Variants in ZFHX3 observed in about 807,000 individuals in gnomAD.
ZFHX3 encodes the protein zinc finger homeobox protein 3.
A neutral mutation model predicts 279.1 loss-of-function variants in ZFHX3; 42 were observed. The ratio of observed to expected loss-of-function variants is 0.15; its 90% CI spans 0.12 to 0.19. The LOEUF (loss-of-function observed/expected upper bound fraction) is 0.19, where lower values mean the gene tolerates loss of function less well. Ranked by LOEUF, ZFHX3 falls within the 10% of genes least tolerant of loss-of-function variation. The probability of loss-of-function intolerance (pLI) is 1.00; values close to 1 mark genes in which losing one functional copy is unlikely to be tolerated. For synonymous variants in ZFHX3, 2,293 were observed against 1,957.8 expected (o/e 1.17, Z -4.52); for missense variants, 4,981 against 4,754.0 (o/e 1.05, Z -1.40).
chr16:72,840,799 G>T (rs2037327376), intron 4 of ZFHX3, among the ~76,000 whole-genome samples: 1 of 152,214 alleles, frequency 6.6e-6, no homozygotes, highest in African/African-American at 2.4e-5. Context: ...AATGAGCTTT[G>T]TTTTGCATGA....
chr16:73,504,812 T>TG (rs899583128), intron 2 of ZFHX3: 18 of 150,380 alleles, frequency 1.2e-4, no homozygotes, highest in African/African-American at 3.9e-4. Context: ...AGTGCTTGGT[T>TG]GGGGGGGCGG....
intron 1 of ZFHX3, among the ~76,000 whole-genome samples, chr16:73,801,323 A>T (rs1410108119): frequency 1.3e-5 from 2 of 152,190 alleles, no homozygotes; most frequent in Non-Finnish European, 2.9e-5. Flanking sequence ...AACACAGGGA[A>T]TGACCAATAC....
At chr16:73,655,435 T>C (rs1366825473) in intron 2 of ZFHX3, among the ~76,000 whole-genome samples, 2 of 152,180 alleles carry the variant, frequency 1.3e-5, no homozygotes, top group African/African-American at 2.4e-5. Flanking sequence ...CCAAGTCCCC[T>C]GATGCAAAAT....
chr16:73,493,098 G>A (rs756069253), intron 2 of ZFHX3, among the ~76,000 whole-genome samples: 7 of 151,370 alleles, frequency 4.6e-5, no homozygotes, highest in South Asian at 2.1e-4. Flanking sequence ...AAGTCTGCCC[G>A]TATCCACCTC....
intron 1 of ZFHX3, among the ~76,000 whole-genome samples, chr16:73,790,225 C>G (rs1935326224): frequency 6.7e-6 from 1 of 149,704 alleles, no homozygotes; most frequent in Non-Finnish European, 1.5e-5. Context: ...CTGGATCTTA[C>G]AGGGATCTGA....
chr16:73,731,118 A>T (rs1326663011), intron 1 of ZFHX3, among the ~76,000 whole-genome samples: 11 of 152,230 alleles, frequency 7.2e-5, no homozygotes, highest in Admixed American at 2.6e-4. Context: ...TAAGGTAGTC[A>T]TCTCTGCGCT....
intron 2 of ZFHX3, among the ~76,000 whole-genome samples, chr16:73,612,542 G>A (rs1464234904): frequency 6.6e-6 from 1 of 152,178 alleles, no homozygotes. Context: ...TGAATGAGAA[G>A]GAATGCTTCT....
intron 1 of ZFHX3, among the ~76,000 whole-genome samples, chr16:72,999,495 A>G (rs1160235272): frequency 6.6e-6 from 1 of 152,170 alleles, no homozygotes; most frequent in Non-Finnish European, 1.5e-5. Context: ...CACAGGACAA[A>G]TCCACAGGCT....
At chr16:73,321,912 T>A (rs148688769) in intron 3 of ZFHX3, among the ~76,000 whole-genome samples, 71 of 152,298 alleles carry the variant, frequency 4.7e-4, no homozygotes, top group Middle Eastern at 3.4e-3. Flanking sequence ...CAACTTTCCA[T>A]GACAGCTGCA....
In ZFHX3 at chr16:72,983,380, A is replaced by G. The variant is rs562988785; in HGVS notation, c.-49-23186T>C. 2.6e-5 allele frequency among the ~76,000 whole-genome samples: 4 copies of G among 152,346 alleles called. 1 individual carries two copies. In the South Asian group the frequency reaches 8.3e-4, roughly 32 times the overall value. On this transcript the variant is annotated intron_variant, in intron 1 of 9. Coordinates refer to ENST00000268489, the MANE Select transcript of ZFHX3 (RefSeq NM_006885.4). ...AATGACCAGGATCCCCGAACATCCC[A>G]GCTGGAATGAGGGCAACCCCAAAGG...
At chr16:72,807,240 A>G (rs1206130071) in intron 7 of ZFHX3, 1 of 152,218 alleles carries the variant, frequency 6.6e-6, no homozygotes, top group Non-Finnish European at 1.5e-5. Context: ...CTGCCCAGCC[A>G]GTTGTGGAGG....
chr16:73,421,819 G>T (rs2017723510), intron 3 of ZFHX3, among the ~76,000 whole-genome samples: 1 of 152,122 alleles, frequency 6.6e-6, no homozygotes, highest in South Asian at 2.1e-4. Context: ...CTCTTCAGGA[G>T]CACACATGCC....
Position 72,811,644 on chromosome 16 carries a change from TG to T in ZFHX3, c.3796del (p.His1266ThrfsTer22). On this transcript the variant is annotated frameshift_variant, in exon 7 of 10. Transcript: ENST00000268489. LOFTEE classifies it high-confidence loss of function. ...LCQDMLNNKIHLQLHLTHLHS... is the reference protein window; with the variant it reads ...LCQDMLNNKIXLQLHLTHLHS... ...GAGGTGGGTGAGGTGCAGCTGGAGGTGGATCTTGTTGTTGAGCATGTCCTGG... is the reference window on the plus strand; with the variant it reads ...GAGGTGGGTGAGGTGCAGCTGGAGGTGATCTTGTTGTTGAGCATGTCCTGG... 6.2e-7 allele frequency: 1 copy of T among 1,613,204 alleles called. No homozygotes were observed. Among genetic ancestry groups the T allele is most frequent in the Non-Finnish European group, 8.5e-7 (1 of 1,179,604 alleles).
intron 1 of ZFHX3, among the ~76,000 whole-genome samples, chr16:73,820,098 CT>C (rs1211518623): frequency 3.3e-5 from 5 of 151,132 alleles, no homozygotes; most frequent in East Asian, 1.9e-4. Context: ...GGGAGTAAGT[CT>C]TTTTTTTTGA....
At chr16:72,792,328 T>C (rs188836556) in intron 9 of ZFHX3, among the ~76,000 whole-genome samples, 58 of 152,320 alleles carry the variant, frequency 3.8e-4, no homozygotes, top group African/African-American at 1.3e-3. Context: ...CAGAACCACA[T>C]TGCCCAATAC....
At chr16:73,780,394 C>T (rs557761379) in intron 1 of ZFHX3, among the ~76,000 whole-genome samples, 1 of 150,456 alleles carries the variant, frequency 6.6e-6, no homozygotes, top group African/African-American at 2.4e-5. Context: ...GTAATCCACC[C>T]ACCTCGGCCT....
At chr16:73,582,832 A>G (rs2051875848) in intron 2 of ZFHX3, among the ~76,000 whole-genome samples, 1 of 151,586 alleles carries the variant, frequency 6.6e-6, no homozygotes, top group Non-Finnish European at 1.5e-5. Flanking sequence ...CATTGGAGTT[A>G]TATAAGATGA....
chr16:73,763,166 G>T (rs1338078714), intron 1 of ZFHX3, among the ~76,000 whole-genome samples: 2 of 152,004 alleles, frequency 1.3e-5, no homozygotes, highest in Admixed American at 6.6e-5. Context: ...AGGATACAGT[G>T]TTTAAAATGT....
chr16:72,957,497 G>T lies in ZFHX3; in HGVS notation c.2649C>A (p.Asp883Glu), dbSNP rs772231000. Residue 883 changes from aspartate (D) to glutamate (E), a missense_variant, in exon 2 of 10, where the codon GAC (aspartate) becomes GAA (glutamate). By Grantham distance (45) the Asp-to-Glu change is conservative. Transcript: ENST00000268489. ...PNLKMDSAAS[D>E]AQFMMSGFQL... ...GGAATCCGCTCATCATGAACTGGGC[G>T]TCCGAGGCAGCACTGTCCATCTTCA... 6.2e-7 allele frequency: 1 copy of T among 1,614,016 alleles called. No individual in the cohort carries two copies. The highest frequency in any genetic ancestry group is 2.2e-5 in the East Asian group (1 of 44,888).
Sources: gnomAD v4.1 joint callset for allele counts (sites outside exome capture counted in the v4.1 genomes callset) on GRCh38, gnomAD v4.1.1 for gene constraint, MANE v1.5 for transcripts, NCBI Gene and HGNC (gene_info 2026-07-23, HGNC 2026-07-21) for gene names.